PALM2AKAP2: variants seen among roughly 807,000 people sequenced by gnomAD.
The protein encoded by PALM2AKAP2 is PALM2-AKAP2 fusion protein.
PALM2AKAP2 carries 37 observed loss-of-function variants against 71.5 expected under a neutral mutation model. The observed-to-expected ratio is 0.52, with a 90% CI of 0.40 to 0.68. The LOEUF (loss-of-function observed/expected upper bound fraction) is 0.68. Ranked by LOEUF, PALM2AKAP2 falls within the 30% of genes least tolerant of loss-of-function variation. The pLI is 0.00. For synonymous variants in PALM2AKAP2, 468 were observed against 478.8 expected, an observed-to-expected ratio of 0.98 and a Z score of 0.29; for missense variants, 1,224 against 1,191.8, an observed-to-expected ratio of 1.03 and a Z score of -0.40.
chr9:109,988,456 G>A (rs1832417269), intron 6 of PALM2AKAP2, among the ~76,000 whole-genome samples: 1 of 151,540 alleles, frequency 6.6e-6, no homozygotes, highest in Non-Finnish European at 1.5e-5. Context: ...CATTCCAAAA[G>A]TCTTCCTTAT....
intron 6 of PALM2AKAP2, among the ~76,000 whole-genome samples, chr9:109,994,670 G>A (rs1440210862): frequency 6.6e-6 from 1 of 152,046 alleles, no homozygotes; most frequent in East Asian, 1.9e-4. Flanking sequence ...TGCATCACTG[G>A]TCTTGCTTTG....
At chr9:109,699,326 G>A (rs1434705384) in intron 1 of PALM2AKAP2, among the ~76,000 whole-genome samples, 3 of 152,186 alleles carry the variant, frequency 2.0e-5, no homozygotes, top group African/African-American at 7.2e-5. Flanking sequence ...GGACAATCAG[G>A]CAGTATAAAT....
At chr9:109,640,809 G>C (rs1345489783) in exon 1 of PALM2AKAP2, 1 of 1,505,240 alleles carries the variant, frequency 6.6e-7, no homozygotes, top group Non-Finnish European at 8.8e-7. Flanking sequence ...TCCGGGAGAG[G>C]CGAGCAGCGC....
intron 1 of PALM2AKAP2, among the ~76,000 whole-genome samples, chr9:109,855,293 G>A (rs1019200430): frequency 6.0e-5 from 9 of 151,228 alleles, no homozygotes; most frequent in African/African-American, 1.2e-4. Flanking sequence ...GGCTGGTCTC[G>A]AACTCCTGAG....
chr9:110,072,833 A>G (rs1489252751), intron 1 of PALM2AKAP2, among the ~76,000 whole-genome samples: 10 of 152,006 alleles, frequency 6.6e-5, no homozygotes, highest in Non-Finnish European at 1.3e-4. Context: ...CCCCAGCTCT[A>G]CCTTGGTTGA....
intron 3 of PALM2AKAP2, among the ~76,000 whole-genome samples, chr9:109,897,996 A>G (rs1397378986): frequency 6.6e-6 from 1 of 152,240 alleles, no homozygotes; most frequent in Non-Finnish European, 1.5e-5. Context: ...TAAATAAATT[A>G]TAGGTAATTA....
chr9:109,666,356 G>A (rs1251209352), intron 1 of PALM2AKAP2, among the ~76,000 whole-genome samples: 1 of 152,156 alleles, frequency 6.6e-6, no homozygotes, highest in Non-Finnish European at 1.5e-5. Context: ...AATGCAGTTG[G>A]AGGTCTTTTG....
At chr9:109,773,263 G>C (rs1046613955) in intron 1 of PALM2AKAP2, among the ~76,000 whole-genome samples, 1 of 152,120 alleles carries the variant, frequency 6.6e-6, no homozygotes, top group East Asian at 1.9e-4. Context: ...AGCCTCCTGA[G>C]TAGGTGGGAC....
intron 1 of PALM2AKAP2, among the ~76,000 whole-genome samples, chr9:110,099,667 C>A (rs1046900712): frequency 1.3e-5 from 2 of 152,118 alleles, no homozygotes; most frequent in African/African-American, 4.8e-5. Flanking sequence ...ATTATGAAAT[C>A]TCATTTGCTT....
chr9:110,016,034 A>G (rs1270149783), exon 7 of PALM2AKAP2: 1 of 1,613,458 alleles, frequency 6.2e-7, no homozygotes, highest in Admixed American at 1.7e-5. Context: ...AGACATGACT[A>G]TCAAGGTAAG....
intron 1 of PALM2AKAP2, among the ~76,000 whole-genome samples, chr9:110,076,175 T>G (rs1403459061): frequency 6.6e-6 from 1 of 152,128 alleles, no homozygotes; most frequent in African/African-American, 2.4e-5. Flanking sequence ...CAGTCCTTTT[T>G]CTTTGTCTTT....
chr9:109,768,010 T>TGGGATGGA (rs1829186909), intron 1 of PALM2AKAP2, among the ~76,000 whole-genome samples: 25 of 102,718 alleles, frequency 2.4e-4, no homozygotes, highest in African/African-American at 1.0e-3. Context: ...GGCAGGTAGG[T>TGGGATGGA]AGGAAGAAAG....
At chr9:109,918,005 G>A (rs150354831) in intron 3 of PALM2AKAP2, among the ~76,000 whole-genome samples, 34 of 152,248 alleles carry the variant, frequency 2.2e-4, no homozygotes, top group Non-Finnish European at 4.7e-4. Context: ...ACCACTCAGC[G>A]TCCCCACCAC....
intron 1 of PALM2AKAP2, among the ~76,000 whole-genome samples, chr9:109,855,070 C>T (rs1022413719): frequency 2.0e-5 from 3 of 146,652 alleles, no homozygotes; most frequent in African/African-American, 7.6e-5. Flanking sequence ...GCCTGGTGCC[C>T]CCCCCTTTTT....
At chr9:109,785,498 C>G (rs142879367) in intron 1 of PALM2AKAP2, among the ~76,000 whole-genome samples, 3 of 152,094 alleles carry the variant, frequency 2.0e-5, no homozygotes, top group Non-Finnish European at 2.9e-5. Flanking sequence ...AAGACATACC[C>G]GAGACTGGGT....
intron 2 of PALM2AKAP2, among the ~76,000 whole-genome samples, chr9:109,869,016 G>A (rs941751649): frequency 6.6e-6 from 1 of 152,224 alleles, no homozygotes; most frequent in Non-Finnish European, 1.5e-5. Context: ...TACGGTGCTT[G>A]TAAGAGACCA....
intron 3 of PALM2AKAP2, among the ~76,000 whole-genome samples, chr9:109,919,270 G>A (rs1164245141): frequency 6.6e-6 from 1 of 152,192 alleles, no homozygotes; most frequent in African/African-American, 2.4e-5. Context: ...GGAAGCTGAG[G>A]CCCTGGCCCC....
chr9:110,137,625 A>G lies in PALM2AKAP2; in HGVS notation c.1655A>G (p.Asn552Ser), dbSNP rs766970129. The change falls in exon 2 of 4, where the codon AAT becomes AGT. Residue 552 changes from asparagine (N) to serine (S), a missense_variant. Coordinates refer to ENST00000374525, the Ensembl canonical transcript of PALM2AKAP2. Reference sequence around the variant, plus strand: ...TTGGATCAGTTCTCAAGATCTGTCAATGTCTCCTTGACCCAAGAGGAGCTT... The same window carrying G: ...TTGGATCAGTTCTCAAGATCTGTCAGTGTCTCCTTGACCCAAGAGGAGCTT... 2.5e-6 allele frequency: 4 copies of G among 1,614,114 alleles called. No homozygotes were observed. The highest frequency in any genetic ancestry group is 1.3e-5 in the African/African-American group (1 of 75,028).
In PALM2AKAP2 at chr9:110,105,998, C is replaced by T. The variant is rs944135551; in HGVS notation, c.157-30129C>T. ...AATGTAGTGCTCCTATTTTCTTTTT[C>T]ATATTCTTTCTGTTAGAGCCAAATT... On this transcript the variant is annotated intron_variant, in intron 1 of 3. Coordinates refer to ENST00000374525, the Ensembl canonical transcript of PALM2AKAP2. Among the ~76,000 whole-genome samples, 8 of 152,096 alleles carry T rather than the reference C, an allele frequency of 5.3e-5. No homozygotes were observed. The South Asian group carries it at 1.0e-3, about 20-fold the overall frequency.
Sources: gnomAD v4.1 joint callset for allele counts (sites outside exome capture counted in the v4.1 genomes callset) on GRCh38, gnomAD v4.1.1 for gene constraint, MANE v1.5 for transcripts, NCBI Gene and HGNC (gene_info 2026-07-23, HGNC 2026-07-21) for gene names.